Variants in ADGRA3 observed in about 807,000 individuals in gnomAD.
ADGRA3 encodes G-protein coupled receptor 125.
ADGRA3 carries 56 observed loss-of-function variants against 119.8 expected under a neutral mutation model. That is an observed-to-expected ratio of 0.47 (90% CI 0.38 to 0.58). ADGRA3 has a LOEUF of 0.58. ADGRA3 is among the 20% of genes least tolerant of loss of function. The pLI is 0.00. For synonymous variants in ADGRA3, 607 were observed against 623.8 expected, an observed-to-expected ratio of 0.97 and a Z score of 0.40; for missense variants, 1,516 against 1,649.0, an observed-to-expected ratio of 0.92 and a Z score of 1.40.
intron 14 of ADGRA3, among the ~76,000 whole-genome samples, chr4:22,409,882 T>C (rs1715121080): frequency 1.3e-5 from 2 of 152,182 alleles, no homozygotes. Flanking sequence ...TACTTATCAG[T>C]GTGATACGAG....
At chr4:22,498,084 T>C (rs1413447078) in intron 1 of ADGRA3, among the ~76,000 whole-genome samples, 1 of 149,068 alleles carries the variant, frequency 6.7e-6, no homozygotes, top group Non-Finnish European at 1.5e-5. Flanking sequence ...TACTAAAAAA[T>C]ACAAAAATTA....
intron 7 of ADGRA3, among the ~76,000 whole-genome samples, chr4:22,439,990 T>C (rs1356941859): frequency 1.3e-5 from 2 of 152,224 alleles, no homozygotes; most frequent in Non-Finnish European, 2.9e-5. Context: ...ATTTTTATTG[T>C]ATTCTTAAAT....
At chr4:22,441,062 T>C (rs1487489640) in intron 7 of ADGRA3, among the ~76,000 whole-genome samples, 1 of 152,170 alleles carries the variant, frequency 6.6e-6, no homozygotes, top group African/African-American at 2.4e-5. Flanking sequence ...GGAGTTGATA[T>C]GAGAAACAAG....
intron 5 of ADGRA3, 34 bp from the exon 6 acceptor site, chr4:22,445,167 T>A (rs766808738): frequency 1.9e-6 from 3 of 1,597,972 alleles, no homozygotes; most frequent in Non-Finnish European, 8.6e-7. Context: ...GAGATTATAG[T>A]GAATAAAATT....
In ADGRA3 at chr4:22,458,834, A is replaced by G. The variant is rs79513101; in HGVS notation, c.401+2903T>C. Among the ~76,000 whole-genome samples the G allele has an allele frequency of 9.1e-3, 1,393 of 152,306 alleles. 38 individuals carry two copies. Among genetic ancestry groups the G allele is most frequent in the Admixed American group, 0.048 (734 of 15,302 alleles). On this transcript the variant is annotated intron_variant, in intron 3 of 18. Coordinates refer to ENST00000334304, the MANE Select transcript of ADGRA3 (RefSeq NM_145290.4). ...TTAAAAGTCTTCACTAGAAAATAAT[A>G]AAGTGCAGAATGGGCAGAAGAGAAG...
intron 1 of ADGRA3, among the ~76,000 whole-genome samples, chr4:22,494,479 C>A (rs61793377): frequency 2.6e-5 from 4 of 151,904 alleles, no homozygotes; most frequent in Non-Finnish European, 4.4e-5. Flanking sequence ...CTTTACTCCA[C>A]GGACTCATCC....
chr4:22,495,461 C>A (rs999083239), intron 1 of ADGRA3, among the ~76,000 whole-genome samples: 1 of 151,938 alleles, frequency 6.6e-6, no homozygotes, highest in Non-Finnish European at 1.5e-5. Flanking sequence ...TTAACTGAAA[C>A]CACAGAAAGC....
chr4:22,422,072 T>A (rs1489591324), intron 11 of ADGRA3, among the ~76,000 whole-genome samples: 1 of 151,850 alleles, frequency 6.6e-6, no homozygotes, highest in East Asian at 1.9e-4. Context: ...CCAGGCCCAC[T>A]CGCTGGAGGA....
chr4:22,472,476 ATATTGAAATAAAGTGC>A (rs1168112213), intron 2 of ADGRA3, among the ~76,000 whole-genome samples: 1 of 152,222 alleles, frequency 6.6e-6, no homozygotes, highest in East Asian at 1.9e-4. Flanking sequence ...CATGATAGGA[ATATTGAAATAAAGTGC>A]TACTACCGTG....
intron 4 of ADGRA3, among the ~76,000 whole-genome samples, chr4:22,452,103 C>T (rs779962605): frequency 2.0e-5 from 3 of 152,138 alleles, no homozygotes; most frequent in Non-Finnish European, 2.9e-5. Flanking sequence ...CACTGCAACA[C>T]AATGTTGAAT....
chr4:22,501,847 C>A (rs1719057864), intron 1 of ADGRA3, among the ~76,000 whole-genome samples: 1 of 151,284 alleles, frequency 6.6e-6, no homozygotes. Context: ...AAGTTTCTGT[C>A]TGTGGTTGCT....
chr4:22,494,106 G>A (rs1718726260), intron 1 of ADGRA3, among the ~76,000 whole-genome samples: 1 of 151,754 alleles, frequency 6.6e-6, no homozygotes, highest in Non-Finnish European at 1.5e-5. Flanking sequence ...TCAGGAGGCT[G>A]AGGCAGGAGA....
Position 22,408,390 on chromosome 4 carries a change from TA to T in ADGRA3, c.2232+4791del, listed in dbSNP as rs1471044951. Among the ~76,000 whole-genome samples the T allele has an allele frequency of 6.1e-4, 93 of 151,968 alleles. 1 individual carries two copies. Among genetic ancestry groups the T allele is most frequent in the Non-Finnish European group, 1.8e-4 (12 of 67,918 alleles). On this transcript the variant is annotated intron_variant, in intron 14 of 18. Transcript: ENST00000334304. ...ACTGGGAGAAGATGTATGCAACACA[TA>T]AATCCAACAGGGAGCTCATATTCAG... is the stretch of plus-strand genomic sequence containing the variant.
At chr4:22,461,002 T>C (rs1033187226) in intron 3 of ADGRA3, among the ~76,000 whole-genome samples, 1 of 152,036 alleles carries the variant, frequency 6.6e-6, no homozygotes, top group African/African-American at 2.4e-5. Flanking sequence ...GATAGGGGAG[T>C]TGTTTAGCTT....
intron 10 of ADGRA3, among the ~76,000 whole-genome samples, chr4:22,427,635 T>C (rs1167125706): frequency 6.6e-6 from 1 of 152,170 alleles, no homozygotes; most frequent in Non-Finnish European, 1.5e-5. Flanking sequence ...GTTATATGCT[T>C]CTGTAGCTTG....
chr4:22,478,567 G>A (rs995916701), intron 1 of ADGRA3, among the ~76,000 whole-genome samples: 2 of 152,220 alleles, frequency 1.3e-5, no homozygotes, highest in African/African-American at 4.8e-5. Context: ...TATTGTGGCA[G>A]GTTGAATGGC....
intron 1 of ADGRA3, among the ~76,000 whole-genome samples, chr4:22,511,146 G>C (rs1177833134): frequency 6.6e-6 from 1 of 152,198 alleles, no homozygotes; most frequent in African/African-American, 2.4e-5. Flanking sequence ...GAGTCACCAA[G>C]TAGCATCACG....
intron 17 of ADGRA3, among the ~76,000 whole-genome samples, chr4:22,391,033 C>T (rs940452072): frequency 6.6e-6 from 1 of 152,068 alleles, no homozygotes. Context: ...TCCATGTTCT[C>T]GGGTGTTCTC....
Position 22,515,808 on chromosome 4 carries a change from C to G in ADGRA3, c.-24G>C. 1 of 990,162 alleles carries G rather than the reference C, an allele frequency of 1.0e-6. No individual in the cohort carries two copies. The highest frequency in any genetic ancestry group is 1.2e-6 in the Non-Finnish European group (1 of 835,630). The allele number at this position is 990,162 out of a possible 1,614,324, so 61.3% of individuals were successfully genotyped here. A position where few individuals can be genotyped will look rare whatever the true frequency, so the allele number is the denominator to read the frequency against. On this transcript the variant is annotated 5_prime_UTR_variant, in exon 1 of 19. Transcript: ENST00000334304. ...ATGCTGCGGGCCGGGGCCTGCGGGG[C>G]GAGCGGCGGCGCACTGGCCTAGCGG...
Sources: allele counts gnomAD v4.1 joint callset (sites outside exome capture counted in the v4.1 genomes callset), GRCh38; gene constraint gnomAD v4.1.1; transcripts MANE v1.5; gene names NCBI Gene and HGNC (gene_info 2026-07-23, HGNC 2026-07-21).